MTMR12: variants seen among roughly 807,000 people sequenced by gnomAD.
MTMR12 encodes myotubularin related protein 12.
In MTMR12, 33 loss-of-function variants were observed where a neutral mutation model predicts 96.7. That is an observed-to-expected ratio of 0.34 (90% CI 0.26 to 0.46). MTMR12 has a LOEUF of 0.46. Among genes scored for constraint, MTMR12 ranks in the 20% least tolerant of loss-of-function variants. MTMR12 has a pLI of 1.00. For synonymous variants in MTMR12, 298 were observed against 327.2 expected (o/e 0.91, Z 0.96); for missense variants, 721 against 896.1 (o/e 0.80, Z 2.49).
chr5:32,278,788 A>C (rs867703251), intron 1 of MTMR12, among the ~76,000 whole-genome samples: 1 of 152,104 alleles, frequency 6.6e-6, no homozygotes. Context: ...GGTAATTTAA[A>C]AATTCTTGGC....
chr5:32,273,853 C>A, intron 3 of MTMR12, 127 bp downstream of exon 3: 1 of 1,356,346 alleles, frequency 7.4e-7, no homozygotes, highest in Non-Finnish European at 1.0e-6. Flanking sequence ...TTCATACATT[C>A]AGGATTTCTG....
chr5:32,262,165 A>G (rs1749385069), intron 7 of MTMR12, among the ~76,000 whole-genome samples: 1 of 152,250 alleles, frequency 6.6e-6, no homozygotes, highest in Non-Finnish European at 1.5e-5. Context: ...AAAATGGAAC[A>G]GTCTCTGTGA....
At chr5:32,304,181 G>A (rs567259655) in intron 1 of MTMR12, among the ~76,000 whole-genome samples, 9 of 152,152 alleles carry the variant, frequency 5.9e-5, no homozygotes, top group African/African-American at 1.4e-4. Flanking sequence ...TCAGCCAGGC[G>A]TGGTGGCACG....
chr5:32,267,471 T>C (rs918739104), intron 6 of MTMR12, among the ~76,000 whole-genome samples: 1 of 151,956 alleles, frequency 6.6e-6, no homozygotes, highest in Admixed American at 6.6e-5. Context: ...TGTGAAAACA[T>C]GTCCAATGCT....
At chr5:32,267,612 T>G (rs1318536962) in intron 6 of MTMR12, among the ~76,000 whole-genome samples, 2 of 152,218 alleles carry the variant, frequency 1.3e-5, no homozygotes, top group African/African-American at 4.8e-5. Flanking sequence ...GGATGTGCTC[T>G]TCTTATGTAT....
intron 1 of MTMR12, among the ~76,000 whole-genome samples, chr5:32,308,394 C>T (rs969293696): frequency 1.3e-5 from 2 of 152,008 alleles, no homozygotes; most frequent in African/African-American, 4.8e-5. Context: ...TGAGGGAAAG[C>T]AGTGTAGGAA....
intron 7 of MTMR12, among the ~76,000 whole-genome samples, chr5:32,256,897 T>A (rs1020864314): frequency 6.6e-6 from 1 of 152,202 alleles, no homozygotes; most frequent in Admixed American, 6.5e-5. Context: ...TGAAAATCTA[T>A]AGATGAAGCA....
In MTMR12 at chr5:32,261,481, T is replaced by G. The variant is rs111716811; in HGVS notation, c.713+1632A>C. Reference sequence around the variant, plus strand: ...TTACGACTATGCTTACAAGCCACCATGCAAAACCTTACTTCCACCATGTAA... The same window carrying G: ...TTACGACTATGCTTACAAGCCACCAGGCAAAACCTTACTTCCACCATGTAA... On this transcript the variant is annotated intron_variant, in intron 7 of 15. Coordinates refer to ENST00000382142, the MANE Select transcript of MTMR12 (RefSeq NM_001040446.3). Among the ~76,000 whole-genome samples, 3 of 152,264 alleles carry G rather than the reference T, an allele frequency of 2.0e-5. No homozygotes were observed. The East Asian group carries it at 5.8e-4, about 29-fold the overall frequency.
intron 7 of MTMR12, among the ~76,000 whole-genome samples, chr5:32,257,771 A>AAAACAAAC (rs368998862): frequency 4.6e-5 from 7 of 151,758 alleles, no homozygotes; most frequent in African/African-American, 1.7e-4. Context: ...CTGTCTCAAA[A>AAAACAAAC]AAACAAACAA....
Position 32,239,029 on chromosome 5 carries a change from T to C in MTMR12, c.1316A>G (p.Asn439Ser). 6.2e-7 allele frequency: 1 copy of C among 1,605,282 alleles called. No homozygotes were observed. The highest frequency in any genetic ancestry group is 8.5e-7 in the Non-Finnish European group (1 of 1,175,282). The change falls in exon 13 of 16, where the codon AAC becomes AGC. Residue 439 changes from asparagine (N) to serine (S), a missense_variant. By Grantham distance (46) the Asn-to-Ser change is conservative. Coordinates refer to ENST00000382142, the MANE Select transcript of MTMR12 (RefSeq NM_001040446.3). Reference protein sequence around the residue: ...MGGHCFLDRCNHLRQNDKEEV... With the variant: ...MGGHCFLDRCSHLRQNDKEEV... ...CTCTTTGTCGTTCTGGCGGAGATGG[T>C]TGCAGCGATCCAAGAAACAGTGGCC...
intron 10 of MTMR12, among the ~76,000 whole-genome samples, chr5:32,244,684 T>C (rs1193625975): frequency 9.9e-5 from 15 of 152,088 alleles, no homozygotes. Context: ...CTAGAATGAG[T>C]GTCCTTGATT....
intron 13 of MTMR12, among the ~76,000 whole-genome samples, chr5:32,238,493 A>G (rs972582299): frequency 5.3e-5 from 8 of 152,174 alleles, no homozygotes; most frequent in African/African-American, 1.7e-4. Context: ...CAGGCCTCCA[A>G]TTTTTGGATT....
chr5:32,282,340 G>A (rs576099238), intron 1 of MTMR12, among the ~76,000 whole-genome samples: 39 of 152,052 alleles, frequency 2.6e-4, no homozygotes, highest in African/African-American at 8.9e-4. Context: ...AGAATGGCGT[G>A]AGCCCGGGAG....
At chr5:32,276,255 G>A (rs187517521) in intron 2 of MTMR12, among the ~76,000 whole-genome samples, 4 of 152,320 alleles carry the variant, frequency 2.6e-5, no homozygotes, top group East Asian at 1.9e-4. Flanking sequence ...CCCAGTACAC[G>A]TGCTCACATG....
Position 32,227,449 on chromosome 5 carries a change from A to C in MTMR12, c.*2329T>G, listed in dbSNP as rs1340270784. 1 of 152,600 alleles carries C rather than the reference A, an allele frequency of 6.6e-6. No homozygotes were observed. The highest frequency in any genetic ancestry group is 2.4e-5 in the African/African-American group (1 of 41,450). The allele number at this position is 152,600 out of a possible 1,614,324, so 9.5% of individuals were successfully genotyped here. On this transcript the variant is annotated 3_prime_UTR_variant, in exon 16 of 16. Transcript: ENST00000382142. ...ATGACCTTACACGTTACAACAGCTT[A>C]TTTTTCTATTGTAATTTTAAAAAAT...
intron 15 of MTMR12, 108 bp from the exon 16 acceptor site, chr5:32,230,455 A>C (rs1747953028): frequency 1.8e-6 from 2 of 1,084,654 alleles, no homozygotes; most frequent in African/African-American, 1.6e-5. Context: ...GTTCCAAGAG[A>C]CATCAGTGTT....
intron 1 of MTMR12, among the ~76,000 whole-genome samples, chr5:32,311,665 C>G (rs1166191322): frequency 6.6e-6 from 1 of 152,170 alleles, no homozygotes; most frequent in Non-Finnish European, 1.5e-5. Flanking sequence ...CTCAAGAAGC[C>G]CTGAGCAAGG....
chr5:32,307,286 T>C (rs79560013), intron 1 of MTMR12, among the ~76,000 whole-genome samples: 1 of 152,300 alleles, frequency 6.6e-6, no homozygotes, highest in East Asian at 1.9e-4. Flanking sequence ...ACAAGAAAGA[T>C]GGATTTGGTA....
At chr5:32,281,616 T>C (rs1750297363) in intron 1 of MTMR12, among the ~76,000 whole-genome samples, 1 of 152,094 alleles carries the variant, frequency 6.6e-6, no homozygotes, top group South Asian at 2.1e-4. Flanking sequence ...AGAAACCACA[T>C]CTGGGCCGGG....
Sources: allele counts gnomAD v4.1 joint callset (sites outside exome capture counted in the v4.1 genomes callset), GRCh38; gene constraint gnomAD v4.1.1; transcripts MANE v1.5; gene names NCBI Gene and HGNC (gene_info 2026-07-23, HGNC 2026-07-21).